The following TAF4B variants were observed in gnomAD, a reference collection of about 807,000 sequenced individuals.
The protein encoded by TAF4B is transcription initiation factor TFIID subunit 4B.
In TAF4B, 38 loss-of-function variants were observed where a neutral mutation model predicts 86.4. That is an observed-to-expected ratio of 0.44 (90% CI 0.34 to 0.58). The LOEUF is 0.58. Among genes scored for constraint, TAF4B ranks in the 20% least tolerant of loss-of-function variants. The pLI, the probability that TAF4B is intolerant of heterozygous loss-of-function variation, is 0.02. For missense variants in TAF4B, 988 were observed against 1,027.6 expected (o/e 0.96, Z 0.53); for synonymous variants, 388 against 391.2 (o/e 0.99, Z 0.10).
chr18:26,237,524 T>C (rs1433410065), intron 1 of TAF4B, among the ~76,000 whole-genome samples: 2 of 152,040 alleles, frequency 1.3e-5, no homozygotes, highest in African/African-American at 4.8e-5. Flanking sequence ...TCTTGCTTGT[T>C]TCCTTCTGGG....
intron 12 of TAF4B, among the ~76,000 whole-genome samples, chr18:26,327,602 G>A (rs2057015190): frequency 6.6e-6 from 1 of 151,308 alleles, no homozygotes; most frequent in Non-Finnish European, 1.5e-5. Flanking sequence ...ACAGAGTCTT[G>A]CACTGTCACC....
rs1213965990 is a variant in TAF4B, at chr18:26,354,786, A to AT, written c.2317-2902dup. On this transcript the variant is annotated intron_variant, in intron 13 of 14. Transcript: ENST00000269142. ...GTGTCTGTCCCTTTACCAGTATTAC[A>AT]TTATTTTGATTACTGTAGCCTTATA... 3.3e-5 allele frequency among the ~76,000 whole-genome samples: 5 copies of AT among 152,208 alleles called. No homozygotes were observed. In the South Asian group the frequency reaches 1.0e-3, roughly 31 times the overall value.
chr18:26,355,621 A>G (rs2057283036), intron 13 of TAF4B, among the ~76,000 whole-genome samples: 2 of 152,230 alleles, frequency 1.3e-5, no homozygotes, highest in Non-Finnish European at 1.5e-5. Context: ...AAACCAAAGT[A>G]TAATTTGCAG....
intron 14 of TAF4B, among the ~76,000 whole-genome samples, chr18:26,366,656 C>G (rs1349730540): frequency 6.6e-6 from 1 of 152,104 alleles, no homozygotes; most frequent in East Asian, 1.9e-4. Context: ...GAGTATTTTT[C>G]CCTTGTAAGG....
At chr18:26,320,504 T>G (rs575675287) in intron 10 of TAF4B, among the ~76,000 whole-genome samples, 50 of 152,174 alleles carry the variant, frequency 3.3e-4, no homozygotes, top group Non-Finnish European at 3.7e-4. Flanking sequence ...ACGATGAGGT[T>G]TTGAACCCAT....
chr18:26,351,474 CAT>C (rs1378161510), intron 13 of TAF4B, among the ~76,000 whole-genome samples: 4 of 152,044 alleles, frequency 2.6e-5, no homozygotes, highest in African/African-American at 4.8e-5. Context: ...GTTAATAATG[CAT>C]AGTTTCAAGT....
At chr18:26,387,826 A>G (rs1978465938) in intron 14 of TAF4B, among the ~76,000 whole-genome samples, 1 of 152,210 alleles carries the variant, frequency 6.6e-6, no homozygotes. Flanking sequence ...TGACTGCGAC[A>G]TCATGTCCCT....
intron 1 of TAF4B, among the ~76,000 whole-genome samples, chr18:26,231,481 A>T (rs1413063605): frequency 4.0e-5 from 6 of 151,190 alleles, no homozygotes; most frequent in Non-Finnish European, 8.8e-5. Flanking sequence ...GCCTCCAAGT[A>T]GCTGAGATTA....
At chr18:26,274,605 G>A (rs2056359824) in intron 3 of TAF4B, 58 bp from the exon 4 acceptor site, 1 of 1,582,822 alleles carries the variant, frequency 6.3e-7, no homozygotes, top group Non-Finnish European at 8.6e-7. Flanking sequence ...GTGAAATGAG[G>A]CACCCACTAA....
chr18:26,240,430 G>A (rs139104727), intron 1 of TAF4B, among the ~76,000 whole-genome samples: 2 of 152,068 alleles, frequency 1.3e-5, no homozygotes, highest in African/African-American at 2.4e-5. Flanking sequence ...TTGCACATTG[G>A]TTTTGTATCC....
At chr18:26,231,287 C>T (rs1388297095) in intron 1 of TAF4B, among the ~76,000 whole-genome samples, 1 of 150,704 alleles carries the variant, frequency 6.6e-6, no homozygotes, top group Non-Finnish European at 1.5e-5. Flanking sequence ...AGGTGATCCG[C>T]CCACCTTGGC....
chr18:26,251,130 G>T (rs1029523624), intron 1 of TAF4B, among the ~76,000 whole-genome samples: 1 of 152,168 alleles, frequency 6.6e-6, no homozygotes, highest in Non-Finnish European at 1.5e-5. Flanking sequence ...CTTATTCTGT[G>T]TGGTTGCAGA....
Position 26,281,962 on chromosome 18 carries a change from A to G in TAF4B, c.883-9A>G, listed in dbSNP as rs764633048. ...ACTTAAAATTGTTTCTATTTCTCCC[A>G]TCCCTCAGGATGCAAAAATCGAAGC... On this transcript the variant is annotated splice_polypyrimidine_tract_variant and intron_variant, in intron 5 of 14. Transcript: ENST00000269142. The G allele has an allele frequency of 9.4e-6, 15 of 1,601,920 alleles. No homozygotes were observed. Among genetic ancestry groups the G allele is most frequent in the Admixed American group, 3.4e-5 (2 of 59,156 alleles).
chr18:26,283,440 T>TC (rs2056474295), intron 6 of TAF4B, among the ~76,000 whole-genome samples: 1 of 152,046 alleles, frequency 6.6e-6, no homozygotes, highest in African/African-American at 2.4e-5. Context: ...TTTTTTTTTT[T>TC]CTTCTGAGCA....
chr18:26,279,183 G>A (rs2056417068), intron 5 of TAF4B, among the ~76,000 whole-genome samples: 1 of 152,104 alleles, frequency 6.6e-6, no homozygotes, highest in South Asian at 2.1e-4. Context: ...AAGTTTCAGG[G>A]TACAAAATCA....
In TAF4B at chr18:26,315,406, T is replaced by C. The variant is rs1351362181; in HGVS notation, c.2002+8T>C. On this transcript the variant is annotated splice_region_variant and intron_variant, in intron 10 of 14. Coordinates refer to ENST00000269142, the MANE Select transcript of TAF4B (RefSeq NM_005640.3). ...AGAGAATTTTAGACATTGGTAAGTG[T>C]AGAGTTATGATTATTGACCTGATAG... 6.2e-7 allele frequency: 1 copy of C among 1,604,950 alleles called. No homozygotes were observed. Among genetic ancestry groups the C allele is most frequent in the Non-Finnish European group, 8.5e-7 (1 of 1,176,116 alleles).
intron 7 of TAF4B, among the ~76,000 whole-genome samples, chr18:26,290,308 T>TA (rs1220798581): frequency 1.3e-5 from 2 of 152,116 alleles, no homozygotes; most frequent in African/African-American, 4.8e-5. Context: ...CCTGGCTAAT[T>TA]AAAAAACTTT....
intron 10 of TAF4B, among the ~76,000 whole-genome samples, chr18:26,316,133 A>G (rs2056909226): frequency 6.6e-6 from 1 of 151,906 alleles, no homozygotes; most frequent in Non-Finnish European, 1.5e-5. Flanking sequence ...TGAACCCGGG[A>G]GGCTTCTTCA....
intron 13 of TAF4B, among the ~76,000 whole-genome samples, chr18:26,336,537 G>GA (rs1187292325): frequency 6.6e-6 from 1 of 151,926 alleles, no homozygotes; most frequent in African/African-American, 2.4e-5. Context: ...TGGAAAGGGA[G>GA]AACACTTTAA....
Sources: allele counts gnomAD v4.1 joint callset (sites outside exome capture counted in the v4.1 genomes callset), GRCh38; gene constraint gnomAD v4.1.1; transcripts MANE v1.5; gene names NCBI Gene and HGNC (gene_info 2026-07-23, HGNC 2026-07-21).